LRRC43: variants seen among roughly 807,000 people sequenced by gnomAD.
LRRC43 encodes leucine-rich repeat-containing protein 43.
A neutral mutation model predicts 64.3 loss-of-function variants in LRRC43; 62 were observed. The observed-to-expected ratio is 0.96, with a 90% CI of 0.79 to 1.19. The LOEUF is 1.19. LRRC43 is among the 50% of genes most tolerant of loss of function. The pLI, the probability that LRRC43 is intolerant of heterozygous loss-of-function variation, is 0.00. For missense variants in LRRC43, 868 were observed against 845.0 expected, an observed-to-expected ratio of 1.03 and a Z score of -0.34; for synonymous variants, 422 against 382.3, an observed-to-expected ratio of 1.10 and a Z score of -1.21.
Position 122,200,632 on chromosome 12 carries a change from CG to C in LRRC43, c.1596del (p.Gly534GlufsTer12). 1 of 1,532,710 alleles carries C rather than the reference CG, an allele frequency of 6.5e-7. No individual in the cohort carries two copies. The allele number at this position is 1,532,710 out of a possible 1,614,324, so 94.9% of individuals were successfully genotyped here. A position where few individuals can be genotyped will look rare whatever the true frequency, so the allele number is the denominator to read the frequency against. On this transcript the variant is annotated frameshift_variant, in exon 9 of 12. Coordinates refer to ENST00000339777, the MANE Select transcript of LRRC43 (RefSeq NM_001098519.2). LOFTEE classifies it high-confidence loss of function. This position sits in a 1 kb window ranked among gnomAD's most constrained non-coding sequence, Gnocchi z 4.6. Reference sequence around the variant, plus strand: ...AAGAAAGGGAAGGAGAAAGACAGGACGGGGAAAGGAGAGAAAGAGCCGGCCA... The same window carrying C: ...AAGAAAGGGAAGGAGAAAGACAGGACGGGAAAGGAGAGAAAGAGCCGGCCA... ...KDKKGKEKDR[T>X]GKGEKEPAKE...
At chr12:122,169,161 G>C (rs1317931803) in intron 1 of LRRC43, among the ~76,000 whole-genome samples, 1 of 152,172 alleles carries the variant, frequency 6.6e-6, no homozygotes, top group Admixed American at 6.5e-5. Flanking sequence ...GAGTCACCAA[G>C]TCCCACCCGC....
intron 1 of LRRC43, among the ~76,000 whole-genome samples, chr12:122,177,525 G>C (rs1953547402): frequency 6.7e-6 from 1 of 148,860 alleles, no homozygotes; most frequent in Non-Finnish European, 1.5e-5. Context: ...GTGTTTAATA[G>C]AAAGGATCTT....
chr12:122,184,762 C>G lies in LRRC43; in HGVS notation c.394C>G (p.Arg132Gly). The change falls in exon 2 of 12, where the codon CGG becomes GGG. Residue 132 changes from arginine to glycine, a missense_variant. Transcript: ENST00000339777. The surrounding 1 kb of genome is among the most constrained non-coding windows in gnomAD (Gnocchi z 4.0). ...CTTCTACTCCTACTTCCGGTCCCTG[C>G]GGGTAATAGACAAGAAGGTCAGTGC... ...TFFYSYFRSL[R>G]VIDKKVTLVD... 6.2e-7 allele frequency: 1 copy of G among 1,604,656 alleles called. No homozygotes were observed. The highest frequency in any genetic ancestry group is 2.2e-5 in the East Asian group (1 of 44,564).
Position 122,183,242 on chromosome 12 carries a change from A to G in LRRC43, c.98A>G (p.Glu33Gly). ...GTGTVSAAVR[E>G]HLRKLCLREF... ...GGGACCGTGAGCGCGGCCGTGCGCG[A>G]GCACTTGCGGAAGCTGTGTCTGCGC... The change falls in exon 1 of 12, where the codon GAG becomes GGG. Residue 33 changes from glutamate (E) to glycine (G), a missense_variant. Physicochemically the swap from Glu to Gly is moderately conservative, Grantham distance 98 (BLOSUM62 -2). Coordinates refer to ENST00000339777, the MANE Select transcript of LRRC43 (RefSeq NM_001098519.2). The G allele has an allele frequency of 6.4e-7, 1 of 1,570,908 alleles. No individual in the cohort carries two copies. The highest frequency in any genetic ancestry group is 8.6e-7 in the Non-Finnish European group (1 of 1,168,042).
intron 1 of LRRC43, chr12:122,172,764 C>A: frequency 6.4e-7 from 1 of 1,570,452 alleles, no homozygotes; most frequent in South Asian, 1.1e-5. Flanking sequence ...GAGAAATGGT[C>A]AGTGTTGGGT....
At position 122,200,257 on chromosome 12, in the gene LRRC43, A is replaced by G. The variant is rs964610958; in HGVS notation, c.1418A>G (p.His473Arg). The G allele has an allele frequency of 6.2e-7, 1 of 1,612,612 alleles. No individual in the cohort carries two copies. Among genetic ancestry groups the G allele is most frequent in the African/African-American group, 1.3e-5 (1 of 74,394 alleles). The change falls in exon 8 of 12, where the codon CAC (histidine) becomes CGC (arginine). Residue 473 changes from histidine (H) to arginine (R), a missense_variant. Physicochemically the swap from His to Arg is conservative, Grantham distance 29. Transcript: ENST00000339777. The surrounding 1 kb of genome is among the most constrained non-coding windows in gnomAD (Gnocchi z 4.6). ...EVIPCSYEMQ[H>R]SLRDLVPLKA... is the part of the protein sequence containing the mutation. ...ATCCCCTGCAGTTACGAGATGCAGC[A>G]CTCTCTCAGGGACCTGGTCCCACTG...
intron 1 of LRRC43, among the ~76,000 whole-genome samples, chr12:122,178,043 G>A (rs1468554807): frequency 2.6e-5 from 4 of 151,792 alleles, no homozygotes; most frequent in Non-Finnish European, 5.9e-5. Flanking sequence ...TTGCCATGTT[G>A]TCCAGGCTGG....
chr12:122,172,600 C>T (rs1411575069), intron 1 of LRRC43: 2 of 1,614,006 alleles, frequency 1.2e-6, no homozygotes, highest in Non-Finnish European at 1.7e-6. Flanking sequence ...TCATCAATAA[C>T]AGATTTGTTG....
At chr12:122,193,463 T>C (rs1021517146) in intron 7 of LRRC43, among the ~76,000 whole-genome samples, 12 of 144,060 alleles carry the variant, frequency 8.3e-5, no homozygotes, top group Non-Finnish European at 1.8e-4. Flanking sequence ...TGTTCAGCCC[T>C]CTTCTCTGGA....
In LRRC43 at chr12:122,184,735, T is replaced by C; in HGVS notation, c.367T>C (p.Phe123Leu). 1 of 1,612,802 alleles carries C rather than the reference T, an allele frequency of 6.2e-7. No homozygotes were observed. The highest frequency in any genetic ancestry group is 2.2e-5 in the East Asian group (1 of 44,840). Residue 123 changes from phenylalanine to leucine, a missense_variant, in exon 2 of 12, where the codon TTC (phenylalanine) becomes CTC (leucine). Phe to Leu is a conservative substitution (Grantham distance 22). Transcript: ENST00000339777. This position sits in a 1 kb window ranked among gnomAD's most constrained non-coding sequence, Gnocchi z 4.0. ...GAACCCGCTGACGATCACAGACACC[T>C]TCTTCTACTCCTACTTCCGGTCCCT... ...IRNPLTITDT[F>L]FYSYFRSLRV... is the part of the protein sequence containing the mutation.
chr12:122,200,742 G>T lies in LRRC43; in HGVS notation c.1621-4G>T. ...CCCACCCTCCTGTCCTCCCGTCGTC[G>T]CAGGAGTGGAAGGTGCTGAAGAAGA... On this transcript the variant is annotated splice_polypyrimidine_tract_variant and splice_region_variant and intron_variant, in intron 9 of 11. Transcript: ENST00000339777. The surrounding 1 kb of genome is among the most constrained non-coding windows in gnomAD (Gnocchi z 4.6). The T allele has an allele frequency of 6.2e-7, 1 of 1,612,944 alleles. No homozygotes were observed.
chr12:122,177,143 T>TAGA lies in LRRC43; in HGVS notation c.-405-7375_-405-7374insGAA, dbSNP rs1177178682. Among the ~76,000 whole-genome samples the TAGA allele has an allele frequency of 2.0e-3, 297 of 152,284 alleles. 1 individual carries two copies. Among genetic ancestry groups the TAGA allele is most frequent in the African/African-American group, 6.8e-3 (284 of 41,574 alleles). On this transcript the variant is annotated intron_variant, in intron 1 of 5. Transcript: ENST00000537729. ...GTTTTGTGGATGTAGTCATGATTAC[T>TAGA]ATTCAGTTTACCTAAAATAGAGAGA... is the stretch of plus-strand genomic sequence containing the variant.
At chr12:122,175,026 A>C (rs762643909) in intron 1 of LRRC43, among the ~76,000 whole-genome samples, 18 of 151,278 alleles carry the variant, frequency 1.2e-4, no homozygotes, top group Non-Finnish European at 2.5e-4. Context: ...TTTTAGTAGA[A>C]ATGGGGTTTC....
At position 122,186,306 on chromosome 12, in the gene LRRC43, G is replaced by A. The variant is rs1278360865; in HGVS notation, c.522+6G>A. 6.4e-7 allele frequency: 1 copy of A among 1,570,398 alleles called. No individual in the cohort carries two copies. The highest frequency in any genetic ancestry group is 8.7e-7 in the Non-Finnish European group (1 of 1,152,712). On this transcript the variant is annotated splice_donor_region_variant and intron_variant, in intron 3 of 11. Transcript: ENST00000339777. ...ATCTGCCCCCCACACTCAAGGTGAA[G>A]GAGCCCCGGTCTGTGTTGAGTATTT...
intron 4 of LRRC43, 108 bp downstream of exon 4, chr12:122,187,948 C>T: frequency 5.3e-6 from 6 of 1,123,300 alleles, no homozygotes; most frequent in Non-Finnish European, 7.7e-6. Flanking sequence ...TTTGTAACTC[C>T]CAGTTGGCTG....
chr12:122,186,230 T>C lies in LRRC43; in HGVS notation c.452T>C (p.Leu151Pro). 3 of 1,605,392 alleles carry C rather than the reference T, an allele frequency of 1.9e-6. No individual in the cohort carries two copies. Among genetic ancestry groups the C allele is most frequent in the Non-Finnish European group, 1.7e-6 (2 of 1,176,332 alleles). ...VDKDLLKFLK[L>P]EELVLSANRI... Reference sequence around the variant, plus strand: ...AAAGACCTCCTGAAATTTCTAAAGCTGGAGGAGTTGGTACTGAGCGCCAAT... The same window carrying C: ...AAAGACCTCCTGAAATTTCTAAAGCCGGAGGAGTTGGTACTGAGCGCCAAT... The change falls in exon 3 of 12, where the codon CTG (leucine) becomes CCG (proline). Residue 151 changes from leucine (L) to proline (P), a missense_variant. Leu to Pro is a moderately conservative substitution (Grantham distance 98). Transcript: ENST00000339777.
intron 7 of LRRC43, among the ~76,000 whole-genome samples, chr12:122,193,281 T>C (rs1216751495): frequency 2.0e-5 from 3 of 147,564 alleles, no homozygotes; most frequent in Non-Finnish European, 4.4e-5. Context: ...CTCGGGAGGC[T>C]GAGGCAGGAG....
In LRRC43 at chr12:122,184,188, G is replaced by A. The variant is rs916885673; in HGVS notation, c.151-331G>A. On this transcript the variant is annotated intron_variant, in intron 1 of 11. Transcript: ENST00000339777. The surrounding 1 kb of genome is among the most constrained non-coding windows in gnomAD (Gnocchi z 4.0). Reference sequence around the variant, plus strand: ...CGGCTCACTGCAACCTCCGCCTCCCGGGTTCAAACGATTCTCCTGCCTTAG... The same window carrying A: ...CGGCTCACTGCAACCTCCGCCTCCCAGGTTCAAACGATTCTCCTGCCTTAG... 4.6e-5 allele frequency among the ~76,000 whole-genome samples: 7 copies of A among 150,866 alleles called. No individual in the cohort carries two copies. Among genetic ancestry groups the A allele is most frequent in the South Asian group, 2.1e-4 (1 of 4,792 alleles).
intron 6 of LRRC43, 63 bp downstream of exon 6, chr12:122,191,630 G>A (rs1953720078): frequency 1.6e-6 from 2 of 1,289,832 alleles, no homozygotes; most frequent in South Asian, 1.5e-5. Context: ...TGCTTTGTGG[G>A]CCCCAGGAAA....
Sources: gnomAD v4.1 joint callset for allele counts (sites outside exome capture counted in the v4.1 genomes callset) on GRCh38, gnomAD v4.1.1 for gene constraint, Gnocchi (gnomAD v3.1) non-coding constraint, MANE v1.5 for transcripts, NCBI Gene and HGNC (gene_info 2026-07-23, HGNC 2026-07-21) for gene names.